MCC: variants seen among roughly 807,000 people sequenced by gnomAD.
MCC encodes the protein MCC regulator of Wnt signaling pathway.
In MCC, 90 loss-of-function variants were observed where a neutral mutation model predicts 116.2. That is an observed-to-expected ratio of 0.77 (90% CI 0.65 to 0.92). The LOEUF (loss-of-function observed/expected upper bound fraction) is 0.92. Ranked by LOEUF, MCC falls within the 40% of genes least tolerant of loss-of-function variation. The pLI, the probability that MCC is intolerant of heterozygous loss-of-function variation, is 0.00. For synonymous variants in MCC, 578 were observed against 510.5 expected (o/e 1.13, Z -1.78); for missense variants, 1,516 against 1,312.2 (o/e 1.16, Z -2.40).
At chr5:113,459,133 A>ATGTCTGTGTGTGTG (rs1771666194) in intron 1 of MCC, among the ~76,000 whole-genome samples, 1 of 68,306 alleles carries the variant, frequency 1.5e-5, no homozygotes, top group Non-Finnish European at 2.8e-5. Flanking sequence ...GAGTAAGGAT[A>ATGTCTGTGTGTGTG]TGTGTGTGTG....
chr5:113,449,843 G>T (rs7719166), intron 1 of MCC, among the ~76,000 whole-genome samples: 10,647 of 152,174 alleles, frequency 0.07, 788 homozygotes, highest in African/African-American at 0.19. Context: ...AATAAATGAC[G>T]ATTTTTAAAG....
chr5:113,221,472 C>A (rs761397696), intron 3 of MCC, among the ~76,000 whole-genome samples: 12 of 152,236 alleles, frequency 7.9e-5, no homozygotes, highest in Non-Finnish European at 1.6e-4. Context: ...TGCCTGGGGA[C>A]TGGACTGCCT....
intron 1 of MCC, among the ~76,000 whole-genome samples, chr5:113,481,963 C>T (rs941748703): frequency 5.9e-5 from 9 of 152,192 alleles, no homozygotes; most frequent in African/African-American, 1.9e-4. Flanking sequence ...TGAGTAATCA[C>T]TAATCCACTT....
chr5:113,324,817 T>C (rs1209842841), intron 3 of MCC, among the ~76,000 whole-genome samples: 1 of 151,462 alleles, frequency 6.6e-6, no homozygotes, highest in Non-Finnish European at 1.5e-5. Context: ...ACTGTTCACT[T>C]TGTAGGAAGT....
At chr5:113,372,752 T>C (rs1768867332) in intron 2 of MCC, among the ~76,000 whole-genome samples, 1 of 152,152 alleles carries the variant, frequency 6.6e-6, no homozygotes, top group Non-Finnish European at 1.5e-5. Flanking sequence ...AGCGCAGTGG[T>C]GCAATCACAG....
intron 4 of MCC, among the ~76,000 whole-genome samples, chr5:113,144,386 G>A (rs1047268030): frequency 3.9e-5 from 6 of 152,174 alleles, no homozygotes; most frequent in East Asian, 1.9e-4. Context: ...ACTCGGCTTC[G>A]ATTAATTTCC....
chr5:113,266,699 G>A (rs1765430544), intron 3 of MCC, among the ~76,000 whole-genome samples: 1 of 152,032 alleles, frequency 6.6e-6, no homozygotes, highest in Non-Finnish European at 1.5e-5. Context: ...TACATTTAAA[G>A]GCACCTCAGC....
intron 6 of MCC, among the ~76,000 whole-genome samples, chr5:113,115,239 G>C (rs1757330124): frequency 6.6e-6 from 1 of 152,152 alleles, no homozygotes; most frequent in Non-Finnish European, 1.5e-5. Context: ...GAGTAAGCGA[G>C]GCACCCCTGT....
At chr5:113,237,816 C>T (rs1764188702) in intron 3 of MCC, among the ~76,000 whole-genome samples, 3 of 152,302 alleles carry the variant, frequency 2.0e-5, no homozygotes, top group African/African-American at 4.8e-5. Context: ...GACACACTGC[C>T]GGTGATTTAA....
At position 113,401,277 on chromosome 5, in the gene MCC, T is replaced by C. The variant is rs142193837; in HGVS notation, c.171-16065A>G. On this transcript the variant is annotated intron_variant, in intron 1 of 18. Coordinates refer to ENST00000408903, the MANE Select transcript of MCC (RefSeq NM_001085377.2). ...TATATTACAACATGTATTTAATATA[T>C]AAAAGATTCACAGTGTACTGTGAAT... Among the ~76,000 whole-genome samples the C allele has an allele frequency of 8.0e-4, 122 of 152,298 alleles. 1 individual carries two copies. The East Asian group carries it at 0.015, about 19-fold the overall frequency.
chr5:113,073,362 C>T (rs1203446446), intron 11 of MCC, among the ~76,000 whole-genome samples: 1 of 152,260 alleles, frequency 6.6e-6, no homozygotes, highest in Admixed American at 6.5e-5. Flanking sequence ...GCTGCTTCCA[C>T]TCTTATCCCA....
In MCC at chr5:113,046,572, T is replaced by C. The variant is rs535544429; in HGVS notation, c.2655+2521A>G. ...AATACCAGGAACTAGGGGAAAATGCTCAGTTCATGGGCCTTCTGGCAAGAA... is the reference window on the plus strand; with the variant it reads ...AATACCAGGAACTAGGGGAAAATGCCCAGTTCATGGGCCTTCTGGCAAGAA... On this transcript the variant is annotated intron_variant, in intron 16 of 18. Coordinates refer to ENST00000408903, the MANE Select transcript of MCC (RefSeq NM_001085377.2). Among the ~76,000 whole-genome samples the C allele has an allele frequency of 4.0e-5, 6 of 151,246 alleles. No homozygotes were observed. In the South Asian group the frequency reaches 1.3e-3, roughly 32 times the overall value.
At chr5:113,418,781 C>A (rs1770233394) in intron 1 of MCC, among the ~76,000 whole-genome samples, 1 of 152,116 alleles carries the variant, frequency 6.6e-6, no homozygotes, top group South Asian at 2.1e-4. Flanking sequence ...GTATATGAAT[C>A]TATTACCACA....
intron 1 of MCC, among the ~76,000 whole-genome samples, chr5:113,445,641 G>A (rs939111422): frequency 6.6e-6 from 1 of 151,972 alleles, no homozygotes; most frequent in Non-Finnish European, 1.5e-5. Flanking sequence ...TGGAAAAATC[G>A]GTATTGTTAA....
chr5:113,347,141 G>A (rs1255160982), intron 2 of MCC, among the ~76,000 whole-genome samples: 2 of 152,150 alleles, frequency 1.3e-5, no homozygotes, highest in African/African-American at 4.8e-5. Context: ...GTGCTCATCT[G>A]AAGATATAAA....
intron 13 of MCC, among the ~76,000 whole-genome samples, chr5:113,067,390 G>A (rs116095192): frequency 0.15 from 22,184 of 152,210 alleles, 1,857 homozygotes; most frequent in South Asian, 0.23. Flanking sequence ...GCTCACGCAT[G>A]TAATCCCAGC....
intron 1 of MCC, among the ~76,000 whole-genome samples, chr5:113,438,149 T>C (rs1033851273): frequency 6.6e-6 from 1 of 152,208 alleles, no homozygotes; most frequent in African/African-American, 2.4e-5. Context: ...TTTGTGACCT[T>C]AGGCAAGTGA....
intron 3 of MCC, among the ~76,000 whole-genome samples, chr5:113,170,539 T>TA (rs1761019014): frequency 6.6e-6 from 1 of 152,014 alleles, no homozygotes; most frequent in Admixed American, 6.6e-5. Flanking sequence ...GGGAAGCTAA[T>TA]ATTTACTCTA....
intron 3 of MCC, among the ~76,000 whole-genome samples, chr5:113,187,342 C>T (rs1213432405): frequency 6.6e-6 from 1 of 152,164 alleles, no homozygotes; most frequent in Non-Finnish European, 1.5e-5. Flanking sequence ...TTCTTGGCCT[C>T]AAGCAATCCG....
Sources: gnomAD v4.1 joint callset for allele counts (sites outside exome capture counted in the v4.1 genomes callset) on GRCh38, gnomAD v4.1.1 for gene constraint, MANE v1.5 for transcripts, NCBI Gene and HGNC (gene_info 2026-07-23, HGNC 2026-07-21) for gene names.